CTNNA3: variants seen among roughly 807,000 people sequenced by gnomAD.
The protein encoded by CTNNA3 is catenin alpha-3.
In CTNNA3, 76 loss-of-function variants were observed where a neutral mutation model predicts 95.7. The ratio of observed to expected loss-of-function variants is 0.79; its 90% CI spans 0.66 to 0.96. The LOEUF (loss-of-function observed/expected upper bound fraction) is 0.96. Among genes scored for constraint, CTNNA3 ranks in the 40% least tolerant of loss-of-function variants. CTNNA3 has a pLI of 0.00. For missense variants in CTNNA3, 1,191 were observed against 1,089.8 expected (o/e 1.09, Z -1.31); for synonymous variants, 431 against 374.4 (o/e 1.15, Z -1.74).
At chr10:66,981,984 G>A (rs1298558945) in intron 7 of CTNNA3, among the ~76,000 whole-genome samples, 2 of 152,166 alleles carry the variant, frequency 1.3e-5, no homozygotes, top group Non-Finnish European at 2.9e-5. Context: ...TCTAGGTTAT[G>A]AGATTGCTCT....
intron 8 of CTNNA3, among the ~76,000 whole-genome samples, chr10:66,768,958 T>G (rs1839974725): frequency 6.6e-6 from 1 of 152,148 alleles, no homozygotes. Flanking sequence ...GAATGAGAGA[T>G]AAGGCAGTAA....
chr10:66,320,513 T>G (rs1453988730), intron 12 of CTNNA3, among the ~76,000 whole-genome samples: 1 of 152,110 alleles, frequency 6.6e-6, no homozygotes, highest in Non-Finnish European at 1.5e-5. Flanking sequence ...CAATTCCTGG[T>G]CACTTGAGTT....
intron 15 of CTNNA3, among the ~76,000 whole-genome samples, chr10:66,000,482 C>T (rs187108471): frequency 6.6e-6 from 1 of 152,178 alleles, no homozygotes; most frequent in East Asian, 1.9e-4. Flanking sequence ...GTAGTTTCTG[C>T]TATTGTGTGA....
At chr10:66,317,689 T>A (rs1451235738) in intron 12 of CTNNA3, among the ~76,000 whole-genome samples, 2 of 119,662 alleles carry the variant, frequency 1.7e-5, no homozygotes, top group Non-Finnish European at 4.0e-5. Flanking sequence ...TTAAAAAAAA[T>A]TTAAAATGAG....
At chr10:66,548,751 C>T (rs901729615) in intron 10 of CTNNA3, among the ~76,000 whole-genome samples, 11 of 152,012 alleles carry the variant, frequency 7.2e-5, no homozygotes, top group African/African-American at 2.4e-4. Flanking sequence ...AGTCTTACAG[C>T]AACTTTGCAC....
At chr10:66,867,805 C>T (rs970668688) in intron 7 of CTNNA3, among the ~76,000 whole-genome samples, 2 of 150,508 alleles carry the variant, frequency 1.3e-5, no homozygotes, top group African/African-American at 4.9e-5. Flanking sequence ...TACACATTTA[C>T]ATTTAAAAAG....
chr10:67,583,658 C>T (rs1231228811), intron 3 of CTNNA3, among the ~76,000 whole-genome samples: 1 of 152,174 alleles, frequency 6.6e-6, no homozygotes, highest in Non-Finnish European at 1.5e-5. Flanking sequence ...GAGTGTTTTC[C>T]AACTTGGTTC....
At chr10:67,348,063 T>C (rs1007589062) in intron 5 of CTNNA3, among the ~76,000 whole-genome samples, 3 of 152,154 alleles carry the variant, frequency 2.0e-5, no homozygotes, top group East Asian at 1.9e-4. Flanking sequence ...GGGGAAAGGA[T>C]AGTCTCTTCA....
intron 16 of CTNNA3, among the ~76,000 whole-genome samples, chr10:65,975,659 T>C (rs946865384): frequency 6.6e-6 from 1 of 152,144 alleles, no homozygotes; most frequent in East Asian, 1.9e-4. Context: ...CTGTGCCAGG[T>C]ACTATGCCAA....
intron 5 of CTNNA3, among the ~76,000 whole-genome samples, chr10:67,412,854 G>A (rs1845415727): frequency 6.6e-6 from 1 of 152,088 alleles, no homozygotes; most frequent in Non-Finnish European, 1.5e-5. Context: ...AGGTCCTTAA[G>A]GGAGTTCTAA....
intron 13 of CTNNA3, among the ~76,000 whole-genome samples, chr10:66,273,033 T>A (rs1027766399): frequency 2.6e-5 from 4 of 152,214 alleles, no homozygotes; most frequent in Non-Finnish European, 5.9e-5. Flanking sequence ...TTCTTTTTCC[T>A]TCTTTACAAC....
chr10:67,583,708 G>C (rs1014551129), intron 3 of CTNNA3, among the ~76,000 whole-genome samples: 2 of 152,202 alleles, frequency 1.3e-5, no homozygotes, highest in Non-Finnish European at 2.9e-5. Context: ...ATCAGACGTA[G>C]ATGTGGTCTT....
intron 11 of CTNNA3, among the ~76,000 whole-genome samples, chr10:66,402,786 T>A (rs758588082): frequency 6.6e-6 from 1 of 152,120 alleles, no homozygotes; most frequent in Non-Finnish European, 1.5e-5. Context: ...AAACTTATGG[T>A]AACATCTTAA....
At chr10:66,763,610 C>T (rs1839712571) in intron 9 of CTNNA3, among the ~76,000 whole-genome samples, 1 of 152,120 alleles carries the variant, frequency 6.6e-6, no homozygotes, top group Non-Finnish European at 1.5e-5. Context: ...TTTGCTATTC[C>T]TTCTATTGAG....
At chr10:65,936,223 C>G (rs1420000096) in intron 17 of CTNNA3, among the ~76,000 whole-genome samples, 1 of 152,008 alleles carries the variant, frequency 6.6e-6, no homozygotes, top group African/African-American at 2.4e-5. Context: ...GATTAGGATT[C>G]TTTATTTTCT....
intron 1 of CTNNA3, among the ~76,000 whole-genome samples, chr10:67,652,203 C>T (rs1309390649): frequency 6.6e-6 from 1 of 152,218 alleles, no homozygotes; most frequent in African/African-American, 2.4e-5. Context: ...ACTATACACT[C>T]ATGGCCTAAT....
intron 7 of CTNNA3, among the ~76,000 whole-genome samples, chr10:66,878,472 C>T (rs1469564018): frequency 2.0e-5 from 3 of 152,134 alleles, no homozygotes; most frequent in Non-Finnish European, 4.4e-5. Flanking sequence ...AAATTAAATT[C>T]TCATTCAGCT....
chr10:67,216,784 C>T (rs1864385631), intron 6 of CTNNA3, among the ~76,000 whole-genome samples: 1 of 152,202 alleles, frequency 6.6e-6, no homozygotes, highest in Non-Finnish European at 1.5e-5. Context: ...TTTCCCTCCT[C>T]ACAGGAGACA....
chr10:66,065,229 G>A (rs61858381), intron 15 of CTNNA3, among the ~76,000 whole-genome samples: 3 of 84,076 alleles, frequency 3.6e-5, no homozygotes, highest in South Asian at 1.1e-3. Context: ...TGGTTTAAAT[G>A]GTTTTTTTTT....
Sources: gnomAD v4.1 joint callset for allele counts (sites outside exome capture counted in the v4.1 genomes callset) on GRCh38, gnomAD v4.1.1 for gene constraint, MANE v1.5 for transcripts, NCBI Gene and HGNC (gene_info 2026-07-23, HGNC 2026-07-21) for gene names.